Variants in MMP16 observed in about 807,000 individuals in gnomAD.
The protein encoded by MMP16 is matrix metallopeptidase 16.
Under a neutral mutation model 67.8 loss-of-function variants are expected in MMP16, and 12 were observed. The ratio of observed to expected loss-of-function variants is 0.18; its 90% CI spans 0.11 to 0.29. The LOEUF (loss-of-function observed/expected upper bound fraction) is 0.29. Among genes scored for constraint, MMP16 ranks in the 10% least tolerant of loss-of-function variants. The pLI, the probability that MMP16 is intolerant of heterozygous loss-of-function variation, is 1.00. For missense variants in MMP16, 475 were observed against 765.7 expected, an observed-to-expected ratio of 0.62 and a Z score of 4.48; for synonymous variants, 249 against 255.9, an observed-to-expected ratio of 0.97 and a Z score of 0.26.
chr8:88,292,618 C>T (rs531989822), intron 1 of MMP16, among the ~76,000 whole-genome samples: 20 of 151,990 alleles, frequency 1.3e-4, no homozygotes, highest in Non-Finnish European at 2.2e-4. Flanking sequence ...TATGAGATAA[C>T]GATCACTTTC....
intron 1 of MMP16, among the ~76,000 whole-genome samples, chr8:88,299,465 T>G (rs2130038626): frequency 6.6e-6 from 1 of 152,142 alleles, no homozygotes; most frequent in Admixed American, 6.6e-5. Context: ...CATCACCCAC[T>G]TCTTCCTAAT....
chr8:88,212,814 G>A (rs1809532457), intron 1 of MMP16, among the ~76,000 whole-genome samples: 1 of 152,048 alleles, frequency 6.6e-6, no homozygotes, highest in Non-Finnish European at 1.5e-5. Context: ...TAAAATACTG[G>A]TAAATGAAAA....
intron 6 of MMP16, among the ~76,000 whole-genome samples, chr8:88,101,852 C>T (rs564475469): frequency 2.0e-5 from 3 of 151,884 alleles, no homozygotes; most frequent in African/African-American, 7.2e-5. Flanking sequence ...CATCCAGTTC[C>T]AGATAGGACA....
chr8:88,302,689 A>G (rs1811122332), intron 1 of MMP16, among the ~76,000 whole-genome samples: 1 of 152,220 alleles, frequency 6.6e-6, no homozygotes, highest in South Asian at 2.1e-4. Context: ...AAAGTGAGTA[A>G]AAGGAGAAAG....
At chr8:88,131,268 T>TACACAC (rs111863181) in intron 4 of MMP16, among the ~76,000 whole-genome samples, 5,628 of 146,904 alleles carry the variant, frequency 0.038, 347 homozygotes, top group African/African-American at 0.13. Flanking sequence ...TATAGTATTA[T>TACACAC]ACACACACAC....
At chr8:88,083,373 A>G (rs1294870101) in intron 6 of MMP16, among the ~76,000 whole-genome samples, 1 of 152,068 alleles carries the variant, frequency 6.6e-6, no homozygotes, top group Admixed American at 6.6e-5. Context: ...GTCTGGGCTC[A>G]AGATAGGCTA....
chr8:88,069,099 T>C (rs1277471684), intron 7 of MMP16: 6 of 193,646 alleles, frequency 3.1e-5, no homozygotes, highest in Admixed American at 1.9e-4. Context: ...ACTACAAAAG[T>C]GCCTGCAAGT....
In MMP16 at chr8:88,041,623, T is replaced by C. The variant is rs1387038010; in HGVS notation, c.1662A>G (p.Lys554=). The change falls in exon 10 of 10, where the codon AAA becomes AAG. Residue 554 remains lysine, a synonymous_variant. Coordinates refer to ENST00000286614, the MANE Select transcript of MMP16 (RefSeq NM_005941.5). The surrounding 1 kb of genome is among the most constrained non-coding windows in gnomAD (Gnocchi z 6.0). ...TCACAGTGCTGGCTGTGTTGTCCAG[T>C]TTGATGACAATGTCTACATCATCTG... ...SPPDDVDIVI[K]LDNTASTVKA... The C allele has an allele frequency of 4.3e-6, 7 of 1,614,052 alleles. No homozygotes were observed. The highest frequency in any genetic ancestry group is 2.7e-5 in the African/African-American group (2 of 74,936).
At chr8:88,225,773 A>G (rs1410247141) in intron 1 of MMP16, among the ~76,000 whole-genome samples, 3 of 151,926 alleles carry the variant, frequency 2.0e-5, no homozygotes, top group Non-Finnish European at 4.4e-5. Flanking sequence ...CACTTCTCCC[A>G]TAAGCCATGA....
In MMP16 at chr8:88,244,052, TG is replaced by T. The variant is rs1010942509; in HGVS notation, c.133-46747del. Among the ~76,000 whole-genome samples, 9 of 9,600 alleles carry T rather than the reference TG, an allele frequency of 9.4e-4. No homozygotes were observed. The Non-Finnish European group carries it at 0.032, about 34-fold the overall frequency. The allele number at this position is 9,600 out of a possible 152,430, so 6.3% of individuals were successfully genotyped here. A position where few individuals can be genotyped will look rare whatever the true frequency, so the allele number is the denominator to read the frequency against. On this transcript the variant is annotated intron_variant, in intron 1 of 9. Transcript: ENST00000286614. ...AAGTTTTTTTTTTTAATTCATCCAG[TG>T]AAAAGTTCTAGTAAAGAACCTTTAG...
In MMP16 at chr8:88,047,565, T is replaced by C. The variant is rs539461329; in HGVS notation, c.1374-781A>G. On this transcript the variant is annotated intron_variant, in intron 8 of 9. Coordinates refer to ENST00000286614, the MANE Select transcript of MMP16 (RefSeq NM_005941.5). ...ACATGCAGTCTTTGGGAGAAGAACA[T>C]TCCAGGCAGAGAAACTAGGAATTGA... is the stretch of plus-strand genomic sequence containing the variant. Among the ~76,000 whole-genome samples the C allele has an allele frequency of 1.4e-4, 22 of 152,218 alleles. No homozygotes were observed. In the South Asian group the frequency reaches 4.6e-3, roughly 32 times the overall value.
Position 88,116,568 on chromosome 8 carries a change from T to C in MMP16, c.1022A>G (p.Asn341Ser). The C allele has an allele frequency of 2.7e-5, 43 of 1,613,476 alleles. No homozygotes were observed. Among genetic ancestry groups the C allele is most frequent in the Non-Finnish European group, 3.6e-5 (43 of 1,179,812 alleles). The change falls in exon 6 of 10, where the codon AAC becomes AGC. Residue 341 changes from asparagine to serine, a missense_variant. Asn to Ser is a conservative substitution (Grantham distance 46, BLOSUM62 1). Transcript: ENST00000286614. ...AGTGTTAAAGTTCCCATCACAGATG[T>C]TGGGTTTGGCTCCGGGATAGGAGGG... ...GRPSYPGAKPNICDGNFNTLA... is the reference protein window; with the variant it reads ...GRPSYPGAKPSICDGNFNTLA...
At chr8:88,129,877 T>C (rs919393498) in intron 4 of MMP16, among the ~76,000 whole-genome samples, 1 of 151,696 alleles carries the variant, frequency 6.6e-6, no homozygotes, top group Non-Finnish European at 1.5e-5. Context: ...GTGAACCTTA[T>C]ACTTGACAGT....
intron 1 of MMP16, among the ~76,000 whole-genome samples, chr8:88,212,246 G>A (rs1275551912): frequency 1.3e-5 from 2 of 152,136 alleles, no homozygotes; most frequent in Non-Finnish European, 2.9e-5. Flanking sequence ...CAGATTCAGG[G>A]CCTGAATAAG....
At chr8:88,213,483 G>A (rs1412547751) in intron 1 of MMP16, among the ~76,000 whole-genome samples, 1 of 151,972 alleles carries the variant, frequency 6.6e-6, no homozygotes, top group Non-Finnish European at 1.5e-5. Context: ...AGAAAATAAG[G>A]TAACGCCAAT....
In MMP16 at chr8:88,032,821, T is replaced by G. The variant is rs1046688897; in HGVS notation, c.*8640A>C. On this transcript the variant is annotated 3_prime_UTR_variant, in exon 10 of 10. Coordinates refer to ENST00000286614, the MANE Select transcript of MMP16 (RefSeq NM_005941.5). ...TTCAGCAAATAAATGTGTTATTTAT[T>G]TCTTTCCTTGCACACAGAAGACTAC... The G allele has an allele frequency of 7.2e-5, 11 of 152,114 alleles. No individual in the cohort carries two copies. The highest frequency in any genetic ancestry group is 4.1e-4 in the South Asian group (2 of 4,822). The allele number at this position is 152,114 out of a possible 1,614,324, so 9.4% of individuals were successfully genotyped here. A position where few individuals can be genotyped will look rare whatever the true frequency, so the allele number is the denominator to read the frequency against.
intron 1 of MMP16, among the ~76,000 whole-genome samples, chr8:88,294,237 T>C (rs573364036): frequency 1.3e-5 from 2 of 150,626 alleles, no homozygotes; most frequent in South Asian, 2.1e-4. Flanking sequence ...TACACACACA[T>C]ATATATACAC....
At chr8:88,103,541 A>ATAG (rs939062773) in intron 6 of MMP16, among the ~76,000 whole-genome samples, 6 of 151,798 alleles carry the variant, frequency 4.0e-5, no homozygotes, top group African/African-American at 1.4e-4. Context: ...CACAATACTA[A>ATAG]TAGTAGTAGT....
At chr8:88,044,306 C>T (rs1169826285) in intron 9 of MMP16, among the ~76,000 whole-genome samples, 2 of 152,094 alleles carry the variant, frequency 1.3e-5, no homozygotes, top group African/African-American at 4.8e-5. Context: ...TGAGATGAGA[C>T]CCTGTCTCAG....
Sources: allele counts gnomAD v4.1 joint callset (sites outside exome capture counted in the v4.1 genomes callset), GRCh38; gene constraint gnomAD v4.1.1; non-coding constraint Gnocchi (gnomAD v3.1); transcripts MANE v1.5; gene names NCBI Gene and HGNC (gene_info 2026-07-23, HGNC 2026-07-21).